SLC14A2: variants seen among roughly 807,000 people sequenced by gnomAD.
The protein encoded by SLC14A2 is urea transporter 2.
SLC14A2 carries 91 observed loss-of-function variants against 104.6 expected under a neutral mutation model. The ratio of observed to expected loss-of-function variants is 0.87; its 90% CI spans 0.73 to 1.04. SLC14A2 has a LOEUF of 1.04. Ranked by LOEUF, SLC14A2 falls within the 50% of genes least tolerant of loss-of-function variation. The pLI is 0.00. For synonymous variants in SLC14A2, 476 were observed against 466.4 expected (o/e 1.02, Z -0.27); for missense variants, 1,189 against 1,156.0 (o/e 1.03, Z -0.41).
At chr18:45,247,657 A>G (rs1006770523) in intron 1 of SLC14A2, among the ~76,000 whole-genome samples, 3 of 151,370 alleles carry the variant, frequency 2.0e-5, no homozygotes, top group African/African-American at 7.3e-5. Flanking sequence ...CAATTATAGA[A>G]TCTTAGCCTG....
intron 1 of SLC14A2, among the ~76,000 whole-genome samples, chr18:45,362,437 G>A (rs949047494): frequency 6.6e-5 from 10 of 152,130 alleles, no homozygotes; most frequent in African/African-American, 2.4e-4. Context: ...TTCATTCCTA[G>A]GAGTGAATAA....
Position 45,643,333 on chromosome 18 carries a change from CGGA to C in SLC14A2, c.1176+159_1176+161del. On this transcript the variant is annotated intron_variant, in intron 9 of 19. Transcript: ENST00000255226. ...CTGTTAAGGTTTATCTAAGGTTGTC[CGGA>C]GGAGGATTGACAATTGCATACATGT... 4 of 708,192 alleles carry C rather than the reference CGGA, an allele frequency of 5.6e-6. No individual in the cohort carries two copies. The East Asian group carries it at 1.1e-4, about 19-fold the overall frequency. The allele number at this position is 708,192 out of a possible 1,614,324, so 43.9% of individuals were successfully genotyped here.
intron 2 of SLC14A2, among the ~76,000 whole-genome samples, chr18:45,504,127 C>G (rs1227791444): frequency 2.0e-5 from 3 of 152,196 alleles, no homozygotes; most frequent in African/African-American, 7.2e-5. Flanking sequence ...ATAGTTCCAG[C>G]TGTGGCTACA....
intron 1 of SLC14A2, among the ~76,000 whole-genome samples, chr18:45,214,914 T>TAAAAAAAAAAAAAAA (rs11332986): frequency 8.8e-6 from 1 of 113,910 alleles, no homozygotes; most frequent in Non-Finnish European, 1.8e-5. Flanking sequence ...ACCATGTCTT[T>TAAAAAAAAAAAAAAA]AAAAAAAAAA....
At chr18:45,347,914 G>A (rs954367599) in intron 1 of SLC14A2, among the ~76,000 whole-genome samples, 5 of 152,158 alleles carry the variant, frequency 3.3e-5, no homozygotes, top group Non-Finnish European at 5.9e-5. Flanking sequence ...CCCATGGTCC[G>A]GGGTGTCCCA....
intron 1 of SLC14A2, among the ~76,000 whole-genome samples, chr18:45,462,066 A>G (rs1489345358): frequency 2.0e-5 from 3 of 152,220 alleles, no homozygotes; most frequent in African/African-American, 4.8e-5. Context: ...ACCAGAAAAC[A>G]TCAAGTTATC....
At chr18:45,310,003 A>G (rs1459983750) in intron 1 of SLC14A2, among the ~76,000 whole-genome samples, 1 of 151,356 alleles carries the variant, frequency 6.6e-6, no homozygotes, top group African/African-American at 2.4e-5. Flanking sequence ...CACTCAACAG[A>G]TTGGTTTTGA....
At chr18:45,576,367 T>C (rs13381920) in intron 2 of SLC14A2, among the ~76,000 whole-genome samples, 8,402 of 140,040 alleles carry the variant, frequency 0.06, 244 homozygotes, top group African/African-American at 0.066. Flanking sequence ...CACTGTAACC[T>C]CCGCCTCCCA....
At chr18:45,661,191 T>C (rs545947236) in intron 10 of SLC14A2, among the ~76,000 whole-genome samples, 1 of 152,180 alleles carries the variant, frequency 6.6e-6, no homozygotes, top group Non-Finnish European at 1.5e-5. Flanking sequence ...TACCCACCCA[T>C]CCAAAGACCT....
intron 1 of SLC14A2, among the ~76,000 whole-genome samples, chr18:45,429,096 G>C (rs1412992030): frequency 6.6e-6 from 1 of 152,196 alleles, no homozygotes; most frequent in African/African-American, 2.4e-5. Flanking sequence ...CCCTGAACAA[G>C]AATGAAGTTA....
chr18:45,571,839 T>TTGAG (rs1279773438), intron 2 of SLC14A2, among the ~76,000 whole-genome samples: 1 of 152,202 alleles, frequency 6.6e-6, no homozygotes, highest in Non-Finnish European at 1.5e-5. Flanking sequence ...CATTTTCTCA[T>TTGAG]TGAGTAAAAT....
intron 2 of SLC14A2, among the ~76,000 whole-genome samples, chr18:45,520,757 C>T (rs1349146247): frequency 6.6e-6 from 1 of 152,168 alleles, no homozygotes; most frequent in African/African-American, 2.4e-5. Context: ...ACCTCAACCT[C>T]TGGGAACATC....
intron 1 of SLC14A2, among the ~76,000 whole-genome samples, chr18:45,414,751 AAAAAAAATAT>A (rs1216788704): frequency 2.8e-5 from 2 of 70,876 alleles, no homozygotes; most frequent in Admixed American, 1.8e-4. Context: ...GCGTAAAAAA[AAAAAAAATAT>A]ATATATATAT....
chr18:45,187,338 G>A, the SLC14A2 span, among the ~76,000 whole-genome samples: 2 of 152,094 alleles, frequency 1.3e-5, no homozygotes, highest in Non-Finnish European at 2.9e-5. Flanking sequence ...CAATTTTAAA[G>A]ACAGCTTTTG....
At chr18:45,266,682 G>A (rs1004021020) in intron 1 of SLC14A2, among the ~76,000 whole-genome samples, 3 of 152,076 alleles carry the variant, frequency 2.0e-5, no homozygotes, top group Admixed American at 6.6e-5. Context: ...GCAGTTCTCT[G>A]GGTGCCAATC....
intron 10 of SLC14A2, among the ~76,000 whole-genome samples, chr18:45,663,136 G>A (rs187564869): frequency 6.6e-6 from 1 of 152,232 alleles, no homozygotes; most frequent in Admixed American, 6.5e-5. Context: ...TTCACCCAGT[G>A]GCTCTTGTTA....
intron 1 of SLC14A2, among the ~76,000 whole-genome samples, chr18:45,414,752 AAAAAAATATATATATATATAT>A (rs1342369262): frequency 2.5e-5 from 2 of 79,346 alleles, no homozygotes; most frequent in Non-Finnish European, 4.7e-5. Flanking sequence ...CGTAAAAAAA[AAAAAAATATATATATATATAT>A]ATATATATAT....
At chr18:45,581,623 G>A (rs1247404776) in intron 2 of SLC14A2, among the ~76,000 whole-genome samples, 1 of 152,136 alleles carries the variant, frequency 6.6e-6, no homozygotes, top group Non-Finnish European at 1.5e-5. Flanking sequence ...TCTCCTCCGA[G>A]CCTCAGTTTT....
chr18:45,262,975 A>G (rs1294024242), intron 1 of SLC14A2, among the ~76,000 whole-genome samples: 1 of 152,234 alleles, frequency 6.6e-6, no homozygotes, highest in Admixed American at 6.5e-5. Flanking sequence ...TCTTGCACAC[A>G]CATAACACAA....
Sources: allele counts gnomAD v4.1 joint callset (sites outside exome capture counted in the v4.1 genomes callset), GRCh38; gene constraint gnomAD v4.1.1; transcripts MANE v1.5; gene names NCBI Gene and HGNC (gene_info 2026-07-23, HGNC 2026-07-21).